Variants in TMEM178B observed in about 807,000 individuals in gnomAD.
The protein encoded by TMEM178B is transmembrane protein 178B.
A neutral mutation model predicts 31.0 loss-of-function variants in TMEM178B; 5 were observed. The observed-to-expected ratio is 0.16, with a 90% confidence interval of 0.08 to 0.34. TMEM178B has a LOEUF of 0.34. Ranked by LOEUF, TMEM178B falls within the 10% of genes least tolerant of loss-of-function variation. TMEM178B has a pLI of 1.00. For synonymous variants in TMEM178B, 164 were observed against 164.0 expected (o/e 1.00, Z 0.00); for missense variants, 275 against 400.3 (o/e 0.69, Z 2.67).
the TMEM178B span, among the ~76,000 whole-genome samples, chr7:141,492,056 G>A: frequency 1.3e-5 from 2 of 152,136 alleles, no homozygotes; most frequent in African/African-American, 4.8e-5. Flanking sequence ...GCCTTCTGAG[G>A]CCTTCAAGGC....
In TMEM178B at chr7:141,479,129, AG is replaced by A. The variant is rs34301372; in HGVS notation, c.*8345del. The A allele has an allele frequency of 6.6e-6, 1 of 152,254 alleles. No individual in the cohort carries two copies. Among genetic ancestry groups the A allele is most frequent in the African/African-American group, 2.4e-5 (1 of 41,420 alleles). The allele number at this position is 152,254 out of a possible 1,614,324, so 9.4% of individuals were successfully genotyped here. The stretch of plus-strand genomic sequence containing the variant: ...AAAGCAGGTCATATTCTTCAGCTGC[AG>A]GAATGTCAGCTACTGCCTCCCACCC... On this transcript the variant is annotated 3_prime_UTR_variant, in exon 4 of 4. Coordinates refer to ENST00000565468, the MANE Select transcript of TMEM178B (RefSeq NM_001195278.2).
At chr7:141,434,419 G>A (rs755350318) in intron 2 of TMEM178B, among the ~76,000 whole-genome samples, 14 of 152,220 alleles carry the variant, frequency 9.2e-5, no homozygotes, top group Non-Finnish European at 1.6e-4. Flanking sequence ...CTCCTAGAAA[G>A]AAACCTCCAC....
intron 2 of TMEM178B, among the ~76,000 whole-genome samples, chr7:141,384,717 A>G (rs1327485555): frequency 6.6e-6 from 1 of 152,200 alleles, no homozygotes; most frequent in East Asian, 1.9e-4. Flanking sequence ...TTGGTTCCAT[A>G]TGAACTTTAA....
chr7:141,447,843 G>A (rs748871396), intron 3 of TMEM178B, among the ~76,000 whole-genome samples: 22 of 152,016 alleles, frequency 1.4e-4, no homozygotes, highest in Admixed American at 5.9e-4. Context: ...AGGATGTCTC[G>A]TTCAAACATG....
chr7:141,343,629 A>G (rs1586903594), intron 2 of TMEM178B, among the ~76,000 whole-genome samples: 1 of 146,242 alleles, frequency 6.8e-6, no homozygotes, highest in East Asian at 2.0e-4. Context: ...GGCTCACTGC[A>G]AGCTCCACCC....
intron 2 of TMEM178B, among the ~76,000 whole-genome samples, chr7:141,410,994 C>T (rs1181724): frequency 0.2 from 30,587 of 151,888 alleles, 3,114 homozygotes; most frequent in Middle Eastern, 0.23. Flanking sequence ...GCATTTAAGG[C>T]ATATGAGTGG....
rs531228649 is a variant in TMEM178B, at chr7:141,161,045, T to G, written c.383-51546T>G. ...GCTAATTTTGTATTTTTAGTAGAGA[T>G]GGGGTTTCACCACGTTGGTCAGGCT... is the stretch of plus-strand genomic sequence containing the variant. On this transcript the variant is annotated intron_variant, in intron 1 of 3. Transcript: ENST00000565468. 4.6e-4 allele frequency among the ~76,000 whole-genome samples: 70 copies of G among 152,056 alleles called. No individual in the cohort carries two copies. In the East Asian group the frequency reaches 6.6e-3, roughly 14 times the overall value.
chr7:141,493,842 G>A, the TMEM178B span, among the ~76,000 whole-genome samples: 2 of 152,102 alleles, frequency 1.3e-5, no homozygotes, highest in Non-Finnish European at 1.5e-5. Context: ...TACAATTGCT[G>A]CCAATACAAA....
chr7:141,173,382 A>C (rs974763485), intron 1 of TMEM178B, among the ~76,000 whole-genome samples: 2 of 152,186 alleles, frequency 1.3e-5, no homozygotes, highest in African/African-American at 4.8e-5. Flanking sequence ...GAGCTGAATC[A>C]ATAATATACA....
At chr7:141,345,482 AGCTAC>A (rs1468122941) in intron 2 of TMEM178B, among the ~76,000 whole-genome samples, 1 of 152,134 alleles carries the variant, frequency 6.6e-6, no homozygotes, top group Non-Finnish European at 1.5e-5. Context: ...TTCTTTGCCA[AGCTAC>A]AGTAAAGATG....
In TMEM178B at chr7:141,432,872, G is replaced by T. The variant is rs561402466; in HGVS notation, c.497-4736G>T. Among the ~76,000 whole-genome samples, 306 of 152,284 alleles carry T rather than the reference G, an allele frequency of 2.0e-3. 2 individuals carry two copies. The highest frequency in any genetic ancestry group is 0.017 in the Middle Eastern group (5 of 294). ...GTTCAACTGGGGCTTCATTGTAGAG[G>T]GGTCTGAGGGGCGGATTCTGGGGCA... is the stretch of plus-strand genomic sequence containing the variant. On this transcript the variant is annotated intron_variant, in intron 2 of 3. Coordinates refer to ENST00000565468, the MANE Select transcript of TMEM178B (RefSeq NM_001195278.2).
rs1335293031 is a variant in TMEM178B at position 141,461,657 on chromosome 7, G to A, written c.635-8879G>A. 1.3e-5 allele frequency among the ~76,000 whole-genome samples: 2 copies of A among 152,136 alleles called. No homozygotes were observed. Among genetic ancestry groups the A allele is most frequent in the African/African-American group, 4.8e-5 (2 of 41,444 alleles). ...CGTCCATTGCTGTGTCATGACTGCC[G>A]TGGCTTCTCTGAGAATCCCTAAGCG... On this transcript the variant is annotated intron_variant, in intron 3 of 3. Transcript: ENST00000565468. This position sits in a 1 kb window ranked among gnomAD's most constrained non-coding sequence, Gnocchi z 4.0.
intron 2 of TMEM178B, among the ~76,000 whole-genome samples, chr7:141,290,380 A>T (rs1798524728): frequency 6.6e-6 from 1 of 152,212 alleles, no homozygotes; most frequent in African/African-American, 2.4e-5. Flanking sequence ...AAAGACATTT[A>T]CTACCTTCTG....
In TMEM178B at chr7:141,479,435, C is replaced by T. The variant is rs1055484508; in HGVS notation, c.*8649C>T. 1 of 152,204 alleles carries T rather than the reference C, an allele frequency of 6.6e-6. No individual in the cohort carries two copies. Among genetic ancestry groups the T allele is most frequent in the Non-Finnish European group, 1.5e-5 (1 of 68,042 alleles). The allele number at this position is 152,204 out of a possible 1,614,324, so 9.4% of individuals were successfully genotyped here. ...GTGACAAGTTCTACTTGGACTGGGA[C>T]TCAACCCACCATTGCCTACCTCTCT... is the stretch of plus-strand genomic sequence containing the variant. On this transcript the variant is annotated 3_prime_UTR_variant, in exon 4 of 4. Coordinates refer to ENST00000565468, the MANE Select transcript of TMEM178B (RefSeq NM_001195278.2).
At chr7:141,485,193 A>G (rs1025520283), downstream of TMEM178B, among the ~76,000 whole-genome samples, 1 of 152,224 alleles carries the variant, frequency 6.6e-6, no homozygotes, top group Non-Finnish European at 1.5e-5. Context: ...AGCCCGGACC[A>G]TGTGACCAAG....
chr7:141,074,297 C>G lies in TMEM178B; in HGVS notation c.-14C>G, dbSNP rs1226573389. On this transcript the variant is annotated 5_prime_UTR_variant, in exon 1 of 4. Transcript: ENST00000565468. The surrounding 1 kb of genome is among the most constrained non-coding windows in gnomAD (Gnocchi z 5.1). The stretch of plus-strand genomic sequence containing the variant: ...CGGCGGATCATGCCCATGGTGTAGC[C>G]GCCAAGCGGAGGCATGGCTGCCGGA... The G allele has an allele frequency of 2.7e-5, 41 of 1,507,890 alleles. No individual in the cohort carries two copies. The highest frequency in any genetic ancestry group is 3.5e-5 in the Non-Finnish European group (39 of 1,129,514). The allele number at this position is 1,507,890 out of a possible 1,614,324, so 93.4% of individuals were successfully genotyped here.
At chr7:141,100,952 G>T (rs1235451744) in intron 1 of TMEM178B, among the ~76,000 whole-genome samples, 1 of 152,124 alleles carries the variant, frequency 6.6e-6, no homozygotes, top group South Asian at 2.1e-4. Flanking sequence ...TGTTTGTTCT[G>T]TAAAGAAACA....
intron 1 of TMEM178B, among the ~76,000 whole-genome samples, chr7:141,139,583 T>A (rs1795733451): frequency 6.6e-6 from 1 of 152,128 alleles, no homozygotes; most frequent in African/African-American, 2.4e-5. Flanking sequence ...GCTCAAGCGA[T>A]CGTCTGCCTT....
chr7:141,449,244 T>C (rs1412349698), intron 3 of TMEM178B, among the ~76,000 whole-genome samples: 1 of 152,066 alleles, frequency 6.6e-6, no homozygotes, highest in Non-Finnish European at 1.5e-5. Flanking sequence ...GTTTCTGAAG[T>C]AAATGGAGAG....
Sources: allele counts gnomAD v4.1 joint callset (sites outside exome capture counted in the v4.1 genomes callset), GRCh38; gene constraint gnomAD v4.1.1; non-coding constraint Gnocchi (gnomAD v3.1); transcripts MANE v1.5; gene names NCBI Gene and HGNC (gene_info 2026-07-23, HGNC 2026-07-21).